UBE2H: variants seen among roughly 807,000 people sequenced by gnomAD.
UBE2H encodes ubiquitin conjugating enzyme E2 H.
A neutral mutation model predicts 29.0 loss-of-function variants in UBE2H; 3 were observed. The observed-to-expected ratio is 0.10, with a 90% CI of 0.05 to 0.27. The LOEUF (loss-of-function observed/expected upper bound fraction) is 0.27, where lower values mean the gene tolerates loss of function less well. Ranked by LOEUF, UBE2H falls within the 10% of genes least tolerant of loss-of-function variation. The pLI is 1.00. For synonymous variants in UBE2H, 69 were observed against 82.9 expected (o/e 0.83, Z 0.91); for missense variants, 68 against 228.2 (o/e 0.30, Z 4.52).
intron 1 of UBE2H, among the ~76,000 whole-genome samples, chr7:129,935,398 G>C (rs1355126265): frequency 6.8e-6 from 1 of 147,472 alleles, no homozygotes; most frequent in Non-Finnish European, 1.5e-5. Flanking sequence ...GGGCGACAGA[G>C]CGAGACTGTC....
At chr7:129,838,546 G>T (rs1303633535) in intron 6 of UBE2H, among the ~76,000 whole-genome samples, 2 of 152,190 alleles carry the variant, frequency 1.3e-5, no homozygotes, top group African/African-American at 2.4e-5. Context: ...TTGCTTCTTG[G>T]TGGAGCTTCA....
At chr7:129,884,949 C>T (rs1000358204) in intron 1 of UBE2H, among the ~76,000 whole-genome samples, 5 of 152,026 alleles carry the variant, frequency 3.3e-5, no homozygotes, top group Admixed American at 2.0e-4. Flanking sequence ...GCCTATAATC[C>T]CAGCACTTTG....
At chr7:129,842,042 T>G (rs906018684) in intron 5 of UBE2H, among the ~76,000 whole-genome samples, 1 of 152,372 alleles carries the variant, frequency 6.6e-6, no homozygotes, top group South Asian at 2.1e-4. Context: ...ATTACAACTA[T>G]GTACAGTGTG....
intron 3 of UBE2H, among the ~76,000 whole-genome samples, chr7:129,877,594 T>C (rs1442709185): frequency 1.3e-5 from 2 of 152,182 alleles, no homozygotes. Flanking sequence ...TGATACACAT[T>C]TGTAGGCATT....
At chr7:129,932,928 G>A (rs776899642) in intron 1 of UBE2H, among the ~76,000 whole-genome samples, 5 of 151,958 alleles carry the variant, frequency 3.3e-5, no homozygotes, top group African/African-American at 4.8e-5. Context: ...ATCCCTAGGG[G>A]GCTCCAGACA....
At chr7:129,854,062 T>TTTTTTTTTTTTTTTTATTTTA (rs1805660085) in intron 5 of UBE2H, among the ~76,000 whole-genome samples, 15 of 81,498 alleles carry the variant, frequency 1.8e-4, no homozygotes, top group Non-Finnish European at 2.6e-4. Context: ...TAGTGTTAGT[T>TTTTTTTTTTTTTTTTATTTTA]TTTTTTTTTT....
intron 3 of UBE2H, among the ~76,000 whole-genome samples, chr7:129,877,116 C>A (rs558079118): frequency 1.3e-5 from 2 of 152,224 alleles, no homozygotes; most frequent in South Asian, 4.1e-4. Context: ...GGATATGGGT[C>A]ATTTATACAA....
chr7:129,870,570 G>T (rs182699384), intron 3 of UBE2H, among the ~76,000 whole-genome samples: 5 of 152,142 alleles, frequency 3.3e-5, no homozygotes, highest in African/African-American at 1.2e-4. Flanking sequence ...CCTTAATGGA[G>T]CCACATGTCT....
intron 2 of UBE2H, among the ~76,000 whole-genome samples, chr7:129,880,235 T>A (rs1042627722): frequency 5.3e-5 from 8 of 151,952 alleles, no homozygotes; most frequent in African/African-American, 1.9e-4. Context: ...ACAAGTGCGG[T>A]GGGGCTCATG....
chr7:129,840,973 T>A (rs1805418195), intron 5 of UBE2H, among the ~76,000 whole-genome samples: 1 of 152,118 alleles, frequency 6.6e-6, no homozygotes, highest in African/African-American at 2.4e-5. Context: ...GGTTGTCATA[T>A]CTAAGCGGTG....
At chr7:129,868,974 T>C (rs1805974420) in intron 3 of UBE2H, among the ~76,000 whole-genome samples, 1 of 150,916 alleles carries the variant, frequency 6.6e-6, no homozygotes, top group African/African-American at 2.4e-5. Flanking sequence ...TTCATTCTTG[T>C]TGCCCAGGCT....
At chr7:129,891,145 T>C (rs942334840) in intron 1 of UBE2H, among the ~76,000 whole-genome samples, 4 of 145,878 alleles carry the variant, frequency 2.7e-5, no homozygotes, top group East Asian at 2.0e-4. Flanking sequence ...AAAAAAAAAA[T>C]AGTCAACTTA....
At chr7:129,933,482 A>G (rs7801603) in intron 1 of UBE2H, among the ~76,000 whole-genome samples, 28,729 of 152,150 alleles carry the variant, frequency 0.19, 3,047 homozygotes, top group African/African-American at 0.28. Flanking sequence ...CACAACCTTA[A>G]TTTCCTTTTA....
intron 1 of UBE2H, among the ~76,000 whole-genome samples, chr7:129,918,666 G>T (rs1402297321): frequency 1.3e-5 from 2 of 152,198 alleles, no homozygotes; most frequent in Non-Finnish European, 2.9e-5. Context: ...AAACACCTGT[G>T]AAGACCATTT....
chr7:129,949,186 T>C (rs999332995), intron 1 of UBE2H: 2 of 321,388 alleles, frequency 6.2e-6, no homozygotes, highest in Non-Finnish European at 1.3e-5. Flanking sequence ...CCGTGTAATC[T>C]GAGCTGTTTG....
rs1303277891 is a variant in UBE2H at position 129,927,451 on chromosome 7, A to T, written c.53+25052T>A. On this transcript the variant is annotated intron_variant, in intron 1 of 6. Coordinates refer to ENST00000355621, the MANE Select transcript of UBE2H (RefSeq NM_003344.4). ...GCTACTTGGGGAGGCTGAGGCAGAG[A>T]ATTGCTTGAACCCTGGAGGCAGAGG... Among the ~76,000 whole-genome samples the T allele has an allele frequency of 3.3e-5, 5 of 152,276 alleles. No homozygotes were observed. The East Asian group carries it at 9.7e-4, about 29-fold the overall frequency.
At chr7:129,896,630 A>C (rs1806607119) in intron 1 of UBE2H, among the ~76,000 whole-genome samples, 1 of 152,054 alleles carries the variant, frequency 6.6e-6, no homozygotes, top group Non-Finnish European at 1.5e-5. Flanking sequence ...GTCTCAATCT[A>C]CTGGTCTCGA....
At chr7:129,851,548 A>C (rs2116300489) in intron 5 of UBE2H, among the ~76,000 whole-genome samples, 1 of 152,352 alleles carries the variant, frequency 6.6e-6, no homozygotes, top group East Asian at 1.9e-4. Context: ...TAACTCAGTA[A>C]TCGTAAGTGA....
intron 1 of UBE2H, among the ~76,000 whole-genome samples, chr7:129,921,218 T>A (rs772964759): frequency 1.3e-5 from 2 of 152,124 alleles, no homozygotes; most frequent in South Asian, 2.1e-4. Flanking sequence ...AGGGTCCAAT[T>A]GTACTCATCA....
Sources: allele counts gnomAD v4.1 joint callset (sites outside exome capture counted in the v4.1 genomes callset), GRCh38; gene constraint gnomAD v4.1.1; transcripts MANE v1.5; gene names NCBI Gene and HGNC (gene_info 2026-07-23, HGNC 2026-07-21).